LRRCC1: variants seen among roughly 807,000 people sequenced by gnomAD.
The protein encoded by LRRCC1 is leucine-rich repeat and coiled-coil domain-containing protein 1.
In LRRCC1, 115 loss-of-function variants were observed where a neutral mutation model predicts 126.0. The ratio of observed to expected loss-of-function variants is 0.91; its 90% CI spans 0.78 to 1.07. The LOEUF (loss-of-function observed/expected upper bound fraction) is 1.07. Among genes scored for constraint, LRRCC1 ranks in the 50% least tolerant of loss-of-function variants. The pLI, the probability that LRRCC1 is intolerant of heterozygous loss-of-function variation, is 0.00. For synonymous variants in LRRCC1, 400 were observed against 393.4 expected, an observed-to-expected ratio of 1.02 and a Z score of -0.20; for missense variants, 1,172 against 1,175.7, an observed-to-expected ratio of 1.00 and a Z score of 0.05.
At chr8:85,144,471 TATA>T (rs1468238132) in intron 18 of LRRCC1, among the ~76,000 whole-genome samples, 12 of 15,956 alleles carry the variant, frequency 7.5e-4, no homozygotes, top group African/African-American at 1.6e-3. Context: ...TATATATATA[TATA>T]TTTTTTTTTT....
rs762009210 is a variant in LRRCC1 at position 85,135,788 on chromosome 8, G to A, written c.2155-1G>A. On this transcript the variant is annotated splice_acceptor_variant, in intron 13 of 18. Transcript: ENST00000360375. LOFTEE classifies it high-confidence loss of function. ...TTATTTTTTTTTTTGGGAATATACA[G>A]AATCAAATCAACACCCTTGAAATTT... 3 of 1,480,866 alleles carry A rather than the reference G, an allele frequency of 2.0e-6. No homozygotes were observed. 91.7% of individuals were successfully genotyped at this position (1,480,866 alleles called of 1,614,324 possible). A position where few individuals can be genotyped will look rare whatever the true frequency, so the allele number is the denominator to read the frequency against.
At chr8:85,117,224 G>A (rs992815028) in intron 6 of LRRCC1, among the ~76,000 whole-genome samples, 3 of 152,116 alleles carry the variant, frequency 2.0e-5, no homozygotes, top group African/African-American at 7.2e-5. Flanking sequence ...TTATTTAAAA[G>A]TACTTTATTT....
chr8:85,144,990 G>C (rs570590240), intron 18 of LRRCC1, among the ~76,000 whole-genome samples: 12 of 150,596 alleles, frequency 8.0e-5, no homozygotes, highest in African/African-American at 2.4e-4. Context: ...TGAGGCAGGA[G>C]AATAGCGTGA....
At chr8:85,119,787 G>A (rs143587557) in intron 6 of LRRCC1, among the ~76,000 whole-genome samples, 12 of 151,932 alleles carry the variant, frequency 7.9e-5, no homozygotes, top group Non-Finnish European at 1.3e-4. Flanking sequence ...CATGAGGCAC[G>A]GCCCCCAGCT....
chr8:85,140,630 C>G (rs1159591780), intron 17 of LRRCC1, among the ~76,000 whole-genome samples: 1 of 152,076 alleles, frequency 6.6e-6, no homozygotes, highest in Non-Finnish European at 1.5e-5. Context: ...TGTGTTTCGT[C>G]CACTAAGCAT....
In LRRCC1 at chr8:85,115,169, A is replaced by T; in HGVS notation, c.614A>T (p.Glu205Val). The part of the protein sequence containing the change: ...RILDCKNIFG[E>V]PVNLTEINSS... ...CTAGATTGCAAGAACATATTTGGTG[A>T]ACCAGTAAATTTGACAGAAATAAAT... Residue 205 changes from glutamate (E) to valine (V), a missense_variant, in exon 5 of 19, where the codon GAA becomes GTA. Glu to Val is a moderately radical substitution (Grantham distance 121). Transcript: ENST00000360375. 6.2e-7 allele frequency: 1 copy of T among 1,613,046 alleles called. No homozygotes were observed. Among genetic ancestry groups the T allele is most frequent in the Non-Finnish European group, 8.5e-7 (1 of 1,179,352 alleles).
At position 85,139,531 on chromosome 8, in the gene LRRCC1, G is replaced by T. The variant is rs559767350; in HGVS notation, c.2840+1056G>T. 3.9e-5 allele frequency among the ~76,000 whole-genome samples: 6 copies of T among 152,276 alleles called. No individual in the cohort carries two copies. In the East Asian group the frequency reaches 1.2e-3, roughly 29 times the overall value. Reference sequence around the variant, plus strand: ...TCCACCCGCCTCGGCCTGCCAAAGTGCTGGGATTACAGGGGTGAGCCACCA... The same window carrying T: ...TCCACCCGCCTCGGCCTGCCAAAGTTCTGGGATTACAGGGGTGAGCCACCA... On this transcript the variant is annotated intron_variant, in intron 17 of 18. Coordinates refer to ENST00000360375, the MANE Select transcript of LRRCC1 (RefSeq NM_033402.5).
At chr8:85,122,271 ATG>A (rs1364111532) in intron 6 of LRRCC1, among the ~76,000 whole-genome samples, 1 of 152,068 alleles carries the variant, frequency 6.6e-6, no homozygotes, top group Admixed American at 6.5e-5. Context: ...GGGTTTCTCT[ATG>A]CTTCCTTAAT....
chr8:85,138,334 T>C lies in LRRCC1; in HGVS notation c.2703-4T>C, dbSNP rs1191280066. On this transcript the variant is annotated splice_polypyrimidine_tract_variant and splice_region_variant and intron_variant, in intron 16 of 18. Transcript: ENST00000360375. ...TTTATTTTTCAAATTACTTCTCATA[T>C]TAGTACACTGAATCGGAAGTGGCAT... The C allele has an allele frequency of 1.2e-6, 2 of 1,600,646 alleles. No individual in the cohort carries two copies. Among genetic ancestry groups the C allele is most frequent in the Non-Finnish European group, 1.7e-6 (2 of 1,175,776 alleles).
chr8:85,126,974 T>G, intron 9 of LRRCC1, 137 bp downstream of exon 9: 1 of 697,844 alleles, frequency 1.4e-6, no homozygotes, highest in Non-Finnish European at 2.2e-6. Context: ...CTAATTTTAT[T>G]AGACAATTTA....
In LRRCC1 at chr8:85,144,402, ATGTG is replaced by A. The variant is rs56280153; in HGVS notation, c.2977-965_2977-962del. On this transcript the variant is annotated intron_variant, in intron 18 of 18. Coordinates refer to ENST00000360375, the MANE Select transcript of LRRCC1 (RefSeq NM_033402.5). ...TTCTAAGCTCTAAAATAGAGTTAAA[ATGTG>A]TGTGTGTGTGTGTGTGTGTGTATGT... Among the ~76,000 whole-genome samples, 304 of 138,108 alleles carry A rather than the reference ATGTG, an allele frequency of 2.2e-3. 3 individuals carry two copies. Among genetic ancestry groups the A allele is most frequent in the East Asian group, 0.01 (47 of 4,516 alleles). The allele number at this position is 138,108 out of a possible 152,430, so 90.6% of individuals were successfully genotyped here. A position where few individuals can be genotyped will look rare whatever the true frequency, so the allele number is the denominator to read the frequency against.
At chr8:85,112,724 A>G (rs1218287956) in intron 3 of LRRCC1, among the ~76,000 whole-genome samples, 1 of 152,210 alleles carries the variant, frequency 6.6e-6, no homozygotes, top group Non-Finnish European at 1.5e-5. Flanking sequence ...AACCTCAGGG[A>G]CTAAAGCCTC....
In LRRCC1 at chr8:85,110,123, G is replaced by A; in HGVS notation, c.319G>A (p.Glu107Lys). The A allele has an allele frequency of 8.2e-7, 1 of 1,213,838 alleles. No individual in the cohort carries two copies. Among genetic ancestry groups the A allele is most frequent in the Non-Finnish European group, 1.2e-6 (1 of 862,036 alleles). 75.2% of individuals were successfully genotyped at this position (1,213,838 alleles called of 1,614,324 possible). A position where few individuals can be genotyped will look rare whatever the true frequency, so the allele number is the denominator to read the frequency against. ...NLITKVEGLE[E>K]LINLTRLNVS... ...TTACTTTTTTTTTTTAGGACTTGAA[G>A]AACTAATTAATCTGACTAGACTAAA... Residue 107 changes from glutamate (E) to lysine (K), a missense_variant, in exon 3 of 19, where the codon GAA becomes AAA. Coordinates refer to ENST00000360375, the MANE Select transcript of LRRCC1 (RefSeq NM_033402.5).
intron 6 of LRRCC1, among the ~76,000 whole-genome samples, chr8:85,117,767 C>T (rs897657789): frequency 1.3e-5 from 2 of 152,142 alleles, no homozygotes; most frequent in African/African-American, 2.4e-5. Context: ...TAACATTTTA[C>T]TACATTTATT....
chr8:85,143,991 CAG>C (rs1425174661), intron 18 of LRRCC1, among the ~76,000 whole-genome samples: 1 of 151,888 alleles, frequency 6.6e-6, no homozygotes, highest in African/African-American at 2.4e-5. Flanking sequence ...ATGAAGTAAA[CAG>C]AAAAATGGTC....
chr8:85,131,847 T>A lies in LRRCC1; in HGVS notation c.1854T>A (p.His618Gln). The change falls in exon 12 of 19, where the codon CAT becomes CAA. Residue 618 changes from histidine (H) to glutamine (Q), a missense_variant. Physicochemically the swap from His to Gln is conservative, Grantham distance 24 (BLOSUM62 0). Coordinates refer to ENST00000360375, the MANE Select transcript of LRRCC1 (RefSeq NM_033402.5). ...AKEIAKEEKK[H>Q]EQMIKEYQEK... Reference sequence around the variant, plus strand: ...AAATAGCCAAAGAAGAGAAAAAGCATGAGCAAATGATAAAAGAATACCAAG... The same window carrying A: ...AAATAGCCAAAGAAGAGAAAAAGCAAGAGCAAATGATAAAAGAATACCAAG... 6.2e-7 allele frequency: 1 copy of A among 1,613,772 alleles called. No homozygotes were observed. The highest frequency in any genetic ancestry group is 2.2e-5 in the East Asian group (1 of 44,778).
At chr8:85,125,445 G>A (rs932352373) in intron 8 of LRRCC1, among the ~76,000 whole-genome samples, 2 of 151,422 alleles carry the variant, frequency 1.3e-5, no homozygotes, top group East Asian at 1.9e-4. Flanking sequence ...AGGCCGAGGC[G>A]GGCGGATCAC....
intron 12 of LRRCC1, among the ~76,000 whole-genome samples, chr8:85,133,105 C>T (rs1218433921): frequency 6.6e-6 from 1 of 152,196 alleles, no homozygotes; most frequent in Non-Finnish European, 1.5e-5. Context: ...CTCCAACCTG[C>T]TCTCATCTGG....
intron 9 of LRRCC1, 82 bp from the exon 10 acceptor site, chr8:85,129,093 G>A (rs1810238913): frequency 1.1e-5 from 11 of 987,562 alleles, no homozygotes; most frequent in East Asian, 2.4e-5. Flanking sequence ...GACCAGTTCA[G>A]AGAGTACTCT....
Sources: gnomAD v4.1 joint callset for allele counts (sites outside exome capture counted in the v4.1 genomes callset) on GRCh38, gnomAD v4.1.1 for gene constraint, MANE v1.5 for transcripts, NCBI Gene and HGNC (gene_info 2026-07-23, HGNC 2026-07-21) for gene names.